STIM2: variants seen among roughly 807,000 people sequenced by gnomAD.
STIM2 encodes stromal interaction molecule 2.
A neutral mutation model predicts 85.8 loss-of-function variants in STIM2; 31 were observed. That is an observed-to-expected ratio of 0.36 (90% CI 0.27 to 0.49). STIM2 has a LOEUF of 0.49. STIM2 is among the 20% of genes least tolerant of loss of function. The pLI is 0.98. For missense variants in STIM2, 841 were observed against 927.6 expected, an observed-to-expected ratio of 0.91 and a Z score of 1.21; for synonymous variants, 356 against 331.1, an observed-to-expected ratio of 1.08 and a Z score of -0.82.
At chr4:26,899,289 A>G (rs1038979491) in intron 1 of STIM2, among the ~76,000 whole-genome samples, 6 of 152,106 alleles carry the variant, frequency 3.9e-5, no homozygotes, top group African/African-American at 1.2e-4. Flanking sequence ...CTCAACTGTC[A>G]TGATGTATTA....
At chr4:26,890,590 C>T (rs6848223) in intron 1 of STIM2, among the ~76,000 whole-genome samples, 23,089 of 151,816 alleles carry the variant, frequency 0.15, 2,603 homozygotes, top group African/African-American at 0.32. Context: ...TTTGGGAGGC[C>T]GAGGCGGGTG....
intron 10 of STIM2, among the ~76,000 whole-genome samples, chr4:27,009,395 C>T (rs1728486971): frequency 6.6e-6 from 1 of 152,040 alleles, no homozygotes; most frequent in Admixed American, 6.5e-5. Flanking sequence ...AAAGATAGCA[C>T]ACTATAAATG....
chr4:27,018,474 C>T, intron 11 of STIM2, among the ~76,000 whole-genome samples: 1 of 152,230 alleles, frequency 6.6e-6, no homozygotes, highest in Non-Finnish European at 1.5e-5. Context: ...TTCCGTCTCT[C>T]TGATCTCTAG....
At chr4:26,987,109 G>A (rs1042283482) in intron 3 of STIM2, among the ~76,000 whole-genome samples, 2 of 152,130 alleles carry the variant, frequency 1.3e-5, no homozygotes, top group African/African-American at 4.8e-5. Flanking sequence ...TGCATGACTC[G>A]TGTCTTTTTT....
At chr4:26,918,556 A>G (rs1045244612) in intron 1 of STIM2, among the ~76,000 whole-genome samples, 9 of 152,120 alleles carry the variant, frequency 5.9e-5, no homozygotes, top group Non-Finnish European at 1.0e-4. Context: ...TTCTGGAAAT[A>G]TATGTGGTTC....
rs561263442 is a variant in STIM2 at position 26,952,904 on chromosome 4, T to C, written c.283-4708T>C. ...ATAGAATACATTACTGACTCTCTCT[T>C]AGCCTTAGTTTTTTCATCTTTAAAA... On this transcript the variant is annotated intron_variant, in intron 2 of 11. Coordinates refer to ENST00000467087, the MANE Select transcript of STIM2 (RefSeq NM_020860.4). Among the ~76,000 whole-genome samples the C allele has an allele frequency of 1.8e-4, 27 of 152,256 alleles. No homozygotes were observed. In the East Asian group the frequency reaches 4.6e-3, roughly 26 times the overall value.
chr4:26,864,117 G>A (rs1481708394), intron 1 of STIM2, among the ~76,000 whole-genome samples: 1 of 151,942 alleles, frequency 6.6e-6, no homozygotes, highest in Non-Finnish European at 1.5e-5. Context: ...CAGACCCATT[G>A]TCATAATGAA....
intron 2 of STIM2, among the ~76,000 whole-genome samples, chr4:26,923,014 T>G (rs1039549038): frequency 6.6e-6 from 1 of 151,748 alleles, no homozygotes; most frequent in Non-Finnish European, 1.5e-5. Context: ...TCTCCCAGCA[T>G]GCAGCTGGAG....
chr4:26,958,685 T>TA (rs1278485263), intron 3 of STIM2, among the ~76,000 whole-genome samples: 12 of 151,782 alleles, frequency 7.9e-5, no homozygotes, highest in Non-Finnish European at 1.8e-4. Context: ...ATATAGACTT[T>TA]TAAAAAAACC....
At chr4:27,019,731 C>A in intron 11 of STIM2, 2 of 330,838 alleles carry the variant, frequency 6.0e-6, no homozygotes, top group Non-Finnish European at 6.0e-6. Flanking sequence ...ATGTTCTATG[C>A]CTTATGCACA....
At chr4:26,897,647 G>A (rs1380524638) in intron 1 of STIM2, among the ~76,000 whole-genome samples, 1 of 152,134 alleles carries the variant, frequency 6.6e-6, no homozygotes. Flanking sequence ...ATGCATTGCT[G>A]TCCTTTATTA....
intron 1 of STIM2, among the ~76,000 whole-genome samples, chr4:26,892,538 C>T (rs188845585): frequency 1.9e-4 from 29 of 151,924 alleles, no homozygotes; most frequent in South Asian, 1.0e-3. Flanking sequence ...TGGGGGGGGA[C>T]GCATATATTC....
chr4:26,963,790 A>G (rs1386676495), intron 3 of STIM2, among the ~76,000 whole-genome samples: 2 of 152,238 alleles, frequency 1.3e-5, no homozygotes, highest in East Asian at 1.9e-4. Context: ...AGAGGGATAT[A>G]CAAGTTAGCA....
chr4:26,995,635 T>C (rs1727932997), intron 4 of STIM2, 145 bp downstream of exon 4: 1 of 388,072 alleles, frequency 2.6e-6, no homozygotes, highest in African/African-American at 2.1e-5. Flanking sequence ...TCTTTCTAAA[T>C]TATGCATTTT....
intron 1 of STIM2, chr4:26,861,593 C>T: frequency 1.9e-6 from 1 of 522,576 alleles, no homozygotes; most frequent in Non-Finnish European, 2.9e-6. Context: ...GCACTGATTC[C>T]CCTCCCTTCA....
intron 1 of STIM2, among the ~76,000 whole-genome samples, chr4:26,912,127 G>A (rs973241815): frequency 3.9e-5 from 6 of 152,182 alleles, no homozygotes; most frequent in East Asian, 3.8e-4. Context: ...ATGCTTGAGC[G>A]ATTAGTGGAA....
intron 1 of STIM2, among the ~76,000 whole-genome samples, chr4:26,888,937 T>C (rs1195455195): frequency 2.0e-5 from 3 of 152,214 alleles, no homozygotes; most frequent in Non-Finnish European, 4.4e-5. Flanking sequence ...CTTCTTTGCC[T>C]GTTCATTCTG....
chr4:26,912,836 C>G (rs1022802451), intron 1 of STIM2, among the ~76,000 whole-genome samples: 6 of 152,192 alleles, frequency 3.9e-5, no homozygotes, highest in African/African-American at 1.4e-4. Flanking sequence ...ATTGCTACTT[C>G]ACCTGTCTTT....
At chr4:26,936,417 A>G (rs994608775) in intron 2 of STIM2, among the ~76,000 whole-genome samples, 1 of 152,196 alleles carries the variant, frequency 6.6e-6, no homozygotes, top group Non-Finnish European at 1.5e-5. Context: ...AGCAACCACA[A>G]TAGAAAACAG....
Sources: gnomAD v4.1 joint callset for allele counts (sites outside exome capture counted in the v4.1 genomes callset) on GRCh38, gnomAD v4.1.1 for gene constraint, MANE v1.5 for transcripts, NCBI Gene and HGNC (gene_info 2026-07-23, HGNC 2026-07-21) for gene names.